ZNF827: variants seen among roughly 807,000 people sequenced by gnomAD.
ZNF827 encodes the protein zinc finger protein 827.
In ZNF827, 13 loss-of-function variants were observed where a neutral mutation model predicts 102.4. That is an observed-to-expected ratio of 0.13 (90% CI 0.08 to 0.20). ZNF827 has a LOEUF of 0.20. Ranked by LOEUF, ZNF827 falls within the 10% of genes least tolerant of loss-of-function variation. The probability of loss-of-function intolerance (pLI) is 1.00; values close to 1 mark genes in which losing one functional copy is unlikely to be tolerated. For missense variants in ZNF827, 1,103 were observed against 1,344.4 expected, an observed-to-expected ratio of 0.82 and a Z score of 2.81; for synonymous variants, 523 against 536.2, an observed-to-expected ratio of 0.98 and a Z score of 0.34.
chr4:145,897,997 A>C (rs1237148923), intron 2 of ZNF827, among the ~76,000 whole-genome samples: 1 of 152,136 alleles, frequency 6.6e-6, no homozygotes. Context: ...TCTACTAAAA[A>C]TACAAAAATT....
At chr4:145,824,032 G>T (rs1001863970) in intron 7 of ZNF827, among the ~76,000 whole-genome samples, 1 of 152,194 alleles carries the variant, frequency 6.6e-6, no homozygotes, top group South Asian at 2.1e-4. Flanking sequence ...CCACAGAAAC[G>T]AAAACTGCAA....
chr4:145,911,090 T>C (rs1318666808), intron 1 of ZNF827, among the ~76,000 whole-genome samples: 7 of 152,176 alleles, frequency 4.6e-5, no homozygotes, highest in Admixed American at 6.5e-5. Context: ...ATTTTCAAAA[T>C]TGTAAATTAG....
intron 2 of ZNF827, among the ~76,000 whole-genome samples, chr4:145,901,270 T>C (rs897779823): frequency 6.6e-6 from 1 of 152,194 alleles, no homozygotes; most frequent in Non-Finnish European, 1.5e-5. Flanking sequence ...AGGATATCCT[T>C]AAGAGACATC....
In ZNF827 at chr4:145,840,189, TAGA is replaced by T. The variant is rs140573674; in HGVS notation, c.2279+5764_2279+5766del. 3.0e-3 allele frequency among the ~76,000 whole-genome samples: 461 copies of T among 152,310 alleles called. 1 individual carries two copies. The highest frequency in any genetic ancestry group is 0.014 in the Middle Eastern group (4 of 294). ...GATCAGTTTTAATTTCTTTGAAAAA[TAGA>T]AGCTCAAAGATAAGTAGCAAAGAAT... On this transcript the variant is annotated intron_variant, in intron 7 of 14. Transcript: ENST00000508784.
chr4:145,833,324 C>T (rs536854270), intron 7 of ZNF827, among the ~76,000 whole-genome samples: 40 of 152,290 alleles, frequency 2.6e-4, no homozygotes, highest in African/African-American at 9.1e-4. Flanking sequence ...GGACCCAAAA[C>T]TCTGGCGCCA....
At chr4:145,849,296 T>G in intron 6 of ZNF827, 26 bp downstream of exon 6, 1 of 1,595,884 alleles carries the variant, frequency 6.3e-7, no homozygotes, top group Non-Finnish European at 8.6e-7. Flanking sequence ...TTCCAATAAT[T>G]GACATTTTCC....
intron 5 of ZNF827, among the ~76,000 whole-genome samples, chr4:145,859,851 G>A (rs539934117): frequency 8.5e-5 from 13 of 152,276 alleles, no homozygotes; most frequent in African/African-American, 2.9e-4. Flanking sequence ...CTCCAGGAGA[G>A]CTGAACGTCA....
intron 8 of ZNF827, among the ~76,000 whole-genome samples, chr4:145,807,429 C>T (rs964012812): frequency 2.0e-5 from 3 of 151,918 alleles, no homozygotes; most frequent in African/African-American, 7.2e-5. Context: ...AATCAGAGTT[C>T]CCATCATCAC....
intron 8 of ZNF827, among the ~76,000 whole-genome samples, chr4:145,815,748 AG>A (rs767513489): frequency 4.6e-5 from 7 of 152,248 alleles, no homozygotes; most frequent in Non-Finnish European, 7.3e-5. Context: ...AACTGAAGCC[AG>A]GGTCACTGCA....
intron 11 of ZNF827, among the ~76,000 whole-genome samples, chr4:145,768,950 G>A (rs549110262): frequency 8.4e-6 from 1 of 119,128 alleles, no homozygotes; most frequent in South Asian, 3.1e-4. Flanking sequence ...GAGCTGTAAT[G>A]GTGGGTTACA....
In ZNF827 at chr4:145,763,595, G is replaced by T. The variant is rs762322375; in HGVS notation, c.3231-473C>A. On this transcript the variant is annotated intron_variant, in intron 13 of 14. Coordinates refer to ENST00000508784, the MANE Select transcript of ZNF827 (RefSeq NM_001306215.2). The surrounding 1 kb of genome is among the most constrained non-coding windows in gnomAD (Gnocchi z 4.6). ...ACTTTGGAGGTCCCTGAGGAAAGGC[G>T]AACTGGCAAAGCCACAACTGGCAGG... Among the ~76,000 whole-genome samples, 32 of 152,188 alleles carry T rather than the reference G, an allele frequency of 2.1e-4. No homozygotes were observed. The highest frequency in any genetic ancestry group is 5.9e-4 in the Admixed American group (9 of 15,290).
intron 8 of ZNF827, among the ~76,000 whole-genome samples, chr4:145,784,149 C>G (rs988925940): frequency 6.6e-6 from 1 of 152,188 alleles, no homozygotes; most frequent in African/African-American, 2.4e-5. Flanking sequence ...CAGCATCATG[C>G]TTCCTGTACA....
In ZNF827 at chr4:145,823,302, A is replaced by C. The variant is rs1362011096; in HGVS notation, c.2383+120T>G. ...AATTGAGTTTCTCCTTCTTTTCTAA[A>C]ACCTAACCTTATATGAATAACTACA... On this transcript the variant is annotated intron_variant, in intron 8 of 14. Transcript: ENST00000508784. 13 of 793,110 alleles carry C rather than the reference A, an allele frequency of 1.6e-5. No individual in the cohort carries two copies. In the South Asian group the frequency reaches 2.4e-4, roughly 15 times the overall value. The allele number at this position is 793,110 out of a possible 1,614,324, so 49.1% of individuals were successfully genotyped here.
chr4:145,795,036 T>G (rs909564989), intron 8 of ZNF827, among the ~76,000 whole-genome samples: 1 of 152,246 alleles, frequency 6.6e-6, no homozygotes, highest in African/African-American at 2.4e-5. Flanking sequence ...AATCAGTCAG[T>G]GGCTGGCAGA....
intron 5 of ZNF827, among the ~76,000 whole-genome samples, chr4:145,860,820 A>C (rs1747644771): frequency 6.6e-6 from 1 of 152,218 alleles, no homozygotes; most frequent in African/African-American, 2.4e-5. Context: ...TAGCGGGGAA[A>C]CACTTTTAAA....
intron 8 of ZNF827, among the ~76,000 whole-genome samples, chr4:145,822,723 C>T (rs150166874): frequency 3.5e-4 from 54 of 152,224 alleles, no homozygotes; most frequent in Non-Finnish European, 2.5e-4. Flanking sequence ...TAGAGTGCAG[C>T]GGTTCTCAGA....
intron 4 of ZNF827, among the ~76,000 whole-genome samples, chr4:145,880,354 G>A (rs753208154): frequency 2.6e-5 from 4 of 152,348 alleles, no homozygotes; most frequent in Admixed American, 6.5e-5. Context: ...CTACTATGGC[G>A]TTGCCACAAG....
At chr4:145,764,830 A>C (rs1182337499) in intron 13 of ZNF827, 158 bp downstream of exon 13, 1 of 943,528 alleles carries the variant, frequency 1.1e-6, no homozygotes, top group Non-Finnish European at 1.7e-6. Flanking sequence ...GTCTAATTCA[A>C]TCCAGCTAAA....
chr4:145,768,916 T>TATATATATAAAA (rs34051922), intron 11 of ZNF827, among the ~76,000 whole-genome samples: 437 of 34,328 alleles, frequency 0.013, 78 homozygotes, highest in Non-Finnish European at 0.016. Context: ...TATATATATA[T>TATATATATAAAA]TAGGTATACA....
Sources: gnomAD v4.1 joint callset for allele counts (sites outside exome capture counted in the v4.1 genomes callset) on GRCh38, gnomAD v4.1.1 for gene constraint, Gnocchi (gnomAD v3.1) non-coding constraint, MANE v1.5 for transcripts, NCBI Gene and HGNC (gene_info 2026-07-23, HGNC 2026-07-21) for gene names.